METTL25: variants seen among roughly 807,000 people sequenced by gnomAD.
The protein encoded by METTL25 is probable methyltransferase-like protein 25.
METTL25 carries 64 observed loss-of-function variants against 71.6 expected under a neutral mutation model. The observed-to-expected ratio is 0.89, with a 90% CI of 0.73 to 1.10. The LOEUF (loss-of-function observed/expected upper bound fraction) is 1.10, where lower values mean the gene tolerates loss of function less well. METTL25 is among the 50% of genes least tolerant of loss of function. The pLI is 0.00. For synonymous variants in METTL25, 287 were observed against 250.3 expected (o/e 1.15, Z -1.38); for missense variants, 807 against 707.0 (o/e 1.14, Z -1.60).
intron 9 of METTL25, among the ~76,000 whole-genome samples, chr12:82,459,346 A>G (rs1375288404): frequency 6.6e-6 from 1 of 152,232 alleles, no homozygotes; most frequent in African/African-American, 2.4e-5. Context: ...CTGTCACGGT[A>G]GCCAGCCATG....
At chr12:82,476,519 C>A in intron 9 of METTL25, 125 bp from the exon 10 acceptor site, 1 of 657,070 alleles carries the variant, frequency 1.5e-6, no homozygotes, top group Non-Finnish European at 2.7e-6. Context: ...ATCCTTAGAG[C>A]GAGTTCTTCA....
intron 9 of METTL25, among the ~76,000 whole-genome samples, chr12:82,464,791 T>G (rs1382144491): frequency 1.3e-5 from 2 of 151,802 alleles, no homozygotes; most frequent in Non-Finnish European, 2.9e-5. Context: ...GTTTCTTCAG[T>G]GTTTTGTAGT....
chr12:82,378,335 C>T (rs1459617723), intron 1 of METTL25, among the ~76,000 whole-genome samples: 1 of 152,112 alleles, frequency 6.6e-6, no homozygotes, highest in Non-Finnish European at 1.5e-5. Flanking sequence ...ATTGACCTAA[C>T]TTTTATGAAC....
intron 1 of METTL25, among the ~76,000 whole-genome samples, chr12:82,367,026 TG>T (rs756839674): frequency 6.6e-5 from 10 of 152,184 alleles, no homozygotes; most frequent in Non-Finnish European, 1.3e-4. Context: ...ATATAGAAAG[TG>T]TCTTCAGATT....
At chr12:82,474,085 G>T (rs1892736246) in intron 9 of METTL25, among the ~76,000 whole-genome samples, 2 of 152,186 alleles carry the variant, frequency 1.3e-5, no homozygotes, top group African/African-American at 4.8e-5. Flanking sequence ...GGACAATGCA[G>T]CTGTGAGGGT....
chr12:82,369,560 G>A lies in METTL25; in HGVS notation c.259+10736G>A, dbSNP rs570663544. ...CAAGAATGAAGCCGCGGACCTTCAC[G>A]GTGAGTGTTAACAGCTCTTAAAGGT... is the stretch of plus-strand genomic sequence containing the variant. On this transcript the variant is annotated intron_variant, in intron 1 of 11. Coordinates refer to ENST00000248306, the MANE Select transcript of METTL25 (RefSeq NM_032230.3). 40 of 424,136 alleles carry A rather than the reference G, an allele frequency of 9.4e-5. 1 individual carries two copies. The highest frequency in any genetic ancestry group is 2.7e-4 in the African/African-American group (13 of 48,442). The allele number at this position is 424,136 out of a possible 1,614,324, so 26.3% of individuals were successfully genotyped here.
intron 1 of METTL25, among the ~76,000 whole-genome samples, chr12:82,383,144 C>G (rs1230860128): frequency 6.6e-6 from 1 of 151,990 alleles, no homozygotes; most frequent in Non-Finnish European, 1.5e-5. Context: ...GAATACTTGC[C>G]AGACTTGATT....
At position 82,444,888 on chromosome 12, in the gene METTL25, C is replaced by A. The variant is rs368096416; in HGVS notation, c.1478+6097C>A. ...AAAGTACAGAGATGGAAGAAAGATA[C>A]TCCATTCAAATGGAAACCAGGTATT... On this transcript the variant is annotated intron_variant, in intron 8 of 11. Transcript: ENST00000248306. 5.9e-5 allele frequency among the ~76,000 whole-genome samples: 9 copies of A among 152,100 alleles called. No homozygotes were observed. In the East Asian group the frequency reaches 9.6e-4, roughly 16 times the overall value.
At chr12:82,363,249 T>C (rs1489172353) in intron 1 of METTL25, among the ~76,000 whole-genome samples, 2 of 152,192 alleles carry the variant, frequency 1.3e-5, no homozygotes, top group Admixed American at 6.5e-5. Flanking sequence ...GAGGCAGAGC[T>C]TCCCCTGGCT....
intron 3 of METTL25, among the ~76,000 whole-genome samples, chr12:82,398,115 A>G (rs1020755984): frequency 5.3e-5 from 8 of 151,954 alleles, no homozygotes; most frequent in South Asian, 2.1e-4. Flanking sequence ...CTTTATATCA[A>G]TTTTTTAGTT....
At chr12:82,409,418 T>C (rs114703062) in intron 5 of METTL25, among the ~76,000 whole-genome samples, 8 of 152,272 alleles carry the variant, frequency 5.3e-5, no homozygotes, top group African/African-American at 1.9e-4. Context: ...TTTCTTCTTC[T>C]AGAAGTTTTG....
intron 5 of METTL25, among the ~76,000 whole-genome samples, chr12:82,427,708 G>T (rs947936206): frequency 6.6e-6 from 1 of 151,910 alleles, no homozygotes; most frequent in Non-Finnish European, 1.5e-5. Flanking sequence ...TTAGAACAGA[G>T]ATGTTTTATG....
intron 5 of METTL25, among the ~76,000 whole-genome samples, chr12:82,429,447 A>T (rs1468329227): frequency 6.6e-6 from 1 of 150,402 alleles, no homozygotes. Context: ...ATATCTATTC[A>T]TCTGTTGATG....
chr12:82,444,285 C>T (rs1046773834), intron 8 of METTL25, among the ~76,000 whole-genome samples: 10 of 151,964 alleles, frequency 6.6e-5, no homozygotes, highest in African/African-American at 1.7e-4. Context: ...AACTGTCAAC[C>T]GATAATATGG....
chr12:82,419,439 A>G (rs895037849), intron 5 of METTL25, among the ~76,000 whole-genome samples: 2 of 152,082 alleles, frequency 1.3e-5, no homozygotes, highest in Non-Finnish European at 2.9e-5. Context: ...CTTTTTCTGG[A>G]TTGATTTCAT....
chr12:82,386,205 C>A (rs1467515388), intron 1 of METTL25, among the ~76,000 whole-genome samples: 1 of 152,120 alleles, frequency 6.6e-6, no homozygotes, highest in Non-Finnish European at 1.5e-5. Flanking sequence ...ACCCCGCCCC[C>A]CTGCCACAAG....
intron 9 of METTL25, among the ~76,000 whole-genome samples, chr12:82,470,939 A>C (rs1483086866): frequency 6.6e-6 from 1 of 152,174 alleles, no homozygotes; most frequent in East Asian, 1.9e-4. Flanking sequence ...ATTTGAGTAA[A>C]CCCTGAATAA....
intron 5 of METTL25, among the ~76,000 whole-genome samples, chr12:82,422,103 A>G (rs1036662361): frequency 6.6e-6 from 1 of 152,164 alleles, no homozygotes; most frequent in African/African-American, 2.4e-5. Flanking sequence ...AAAAAATAGA[A>G]TTTTAGACCA....
intron 5 of METTL25, among the ~76,000 whole-genome samples, chr12:82,413,590 G>C (rs1179542091): frequency 6.6e-6 from 1 of 151,988 alleles, no homozygotes; most frequent in Non-Finnish European, 1.5e-5. Flanking sequence ...ACCTGGATCG[G>C]TTAGCTTTTG....
Sources: gnomAD v4.1 joint callset for allele counts (sites outside exome capture counted in the v4.1 genomes callset) on GRCh38, gnomAD v4.1.1 for gene constraint, MANE v1.5 for transcripts, NCBI Gene and HGNC (gene_info 2026-07-23, HGNC 2026-07-21) for gene names.